The following HS6ST3 variants were observed in gnomAD, a reference collection of about 807,000 sequenced individuals.
HS6ST3 encodes heparan sulfate 6-O-sulfotransferase 3.
Under a neutral mutation model 36.7 loss-of-function variants are expected in HS6ST3, and 12 were observed. That is an observed-to-expected ratio of 0.33 (90% CI 0.21 to 0.53). HS6ST3 has a LOEUF of 0.53. HS6ST3 is among the 20% of genes least tolerant of loss of function. HS6ST3 has a pLI of 0.95. For missense variants in HS6ST3, 584 were observed against 640.9 expected (o/e 0.91, Z 0.96); for synonymous variants, 240 against 257.5 (o/e 0.93, Z 0.65).
At chr13:96,725,406 A>G (rs1875977946) in intron 1 of HS6ST3, among the ~76,000 whole-genome samples, 1 of 152,108 alleles carries the variant, frequency 6.6e-6, no homozygotes, top group Non-Finnish European at 1.5e-5. Context: ...TCTTTTATGG[A>G]TTGTAATTTT....
chr13:96,626,790 T>G lies in HS6ST3; in HGVS notation c.708-205700T>G, dbSNP rs188207111. Among the ~76,000 whole-genome samples, 43 of 152,286 alleles carry G rather than the reference T, an allele frequency of 2.8e-4. 1 individual carries two copies. Among genetic ancestry groups the G allele is most frequent in the Admixed American group, 9.8e-4 (15 of 15,296 alleles). On this transcript the variant is annotated intron_variant, in intron 1 of 1. Coordinates refer to ENST00000376705, the MANE Select transcript of HS6ST3 (RefSeq NM_153456.4). ...AGTGTTGCATATCATTGGTTAAATTTATTTCTCAGTACTAAACATTGTTTG... is the reference window on the plus strand; with the variant it reads ...AGTGTTGCATATCATTGGTTAAATTGATTTCTCAGTACTAAACATTGTTTG...
At chr13:96,773,181 A>C (rs1272752013) in intron 1 of HS6ST3, among the ~76,000 whole-genome samples, 1 of 152,220 alleles carries the variant, frequency 6.6e-6, no homozygotes, top group Non-Finnish European at 1.5e-5. Context: ...AGACCAGGAG[A>C]TTCCTTTGGG....
At chr13:96,811,094 GTGA>G (rs1594865947) in intron 1 of HS6ST3, among the ~76,000 whole-genome samples, 1 of 152,262 alleles carries the variant, frequency 6.6e-6, no homozygotes, top group East Asian at 1.9e-4. Flanking sequence ...CCCTAGACAG[GTGA>G]ATCTTTTTCT....
intron 1 of HS6ST3, among the ~76,000 whole-genome samples, chr13:96,235,227 C>T (rs1440866123): frequency 6.6e-6 from 1 of 152,146 alleles, no homozygotes; most frequent in Middle Eastern, 3.4e-3. Flanking sequence ...TAGATGAGTA[C>T]TGGATATTTC....
intron 1 of HS6ST3, among the ~76,000 whole-genome samples, chr13:96,125,238 C>A (rs982128521): frequency 1.3e-5 from 2 of 151,880 alleles, no homozygotes; most frequent in Admixed American, 6.5e-5. Context: ...AATAGAATAT[C>A]CTGGGTTAAG....
intron 1 of HS6ST3, among the ~76,000 whole-genome samples, chr13:96,274,589 G>A (rs2054738311): frequency 6.6e-6 from 1 of 151,902 alleles, no homozygotes; most frequent in Admixed American, 6.6e-5. Flanking sequence ...ATTTTCTTTG[G>A]TGATTTCTTT....
intron 1 of HS6ST3, among the ~76,000 whole-genome samples, chr13:96,358,167 A>G (rs1322872484): frequency 6.6e-6 from 1 of 152,172 alleles, no homozygotes; most frequent in Non-Finnish European, 1.5e-5. Flanking sequence ...AATGCTAACT[A>G]ATACATATAG....
chr13:96,682,219 T>C (rs927685934), intron 1 of HS6ST3, among the ~76,000 whole-genome samples: 1 of 152,174 alleles, frequency 6.6e-6, no homozygotes, highest in African/African-American at 2.4e-5. Context: ...GCCTATATGC[T>C]TTTGTAGCCA....
intron 1 of HS6ST3, among the ~76,000 whole-genome samples, chr13:96,548,705 T>C (rs1594804492): frequency 6.6e-6 from 1 of 152,204 alleles, no homozygotes; most frequent in South Asian, 2.1e-4. Context: ...AATCTGCAGG[T>C]CGTGGACTGC....
At chr13:96,754,684 CT>C (rs1876780906) in intron 1 of HS6ST3, among the ~76,000 whole-genome samples, 3 of 152,200 alleles carry the variant, frequency 2.0e-5, no homozygotes, top group Non-Finnish European at 4.4e-5. Flanking sequence ...ATTCTTCTGG[CT>C]TCCAGTGTTT....
intron 1 of HS6ST3, among the ~76,000 whole-genome samples, chr13:96,661,025 C>T (rs1000969313): frequency 2.0e-5 from 3 of 152,252 alleles, no homozygotes; most frequent in African/African-American, 7.2e-5. Flanking sequence ...AGCTTCTGGG[C>T]TCGTGGACTT....
intron 1 of HS6ST3, among the ~76,000 whole-genome samples, chr13:96,497,501 C>G (rs1178808150): frequency 2.0e-5 from 3 of 152,168 alleles, no homozygotes; most frequent in African/African-American, 7.2e-5. Flanking sequence ...TCACAATAAC[C>G]TCACCTTAGT....
chr13:96,446,672 T>A (rs2055700805), intron 1 of HS6ST3, among the ~76,000 whole-genome samples: 1 of 152,162 alleles, frequency 6.6e-6, no homozygotes, highest in African/African-American at 2.4e-5. Flanking sequence ...TGTTGATGGG[T>A]CCAGGAGAGC....
chr13:96,494,655 C>G (rs1174630104), intron 1 of HS6ST3, among the ~76,000 whole-genome samples: 1 of 151,226 alleles, frequency 6.6e-6, no homozygotes, highest in Non-Finnish European at 1.5e-5. Context: ...CATCCTGTTT[C>G]AAAACACACA....
intron 1 of HS6ST3, among the ~76,000 whole-genome samples, chr13:96,765,577 GCTCTCTCTCTTTCTCT>G (rs1252917858): frequency 2.4e-5 from 3 of 127,010 alleles, no homozygotes; most frequent in African/African-American, 3.1e-5. Context: ...AGATGTATGC[GCTCTCTCTCTTTCTCT>G]CTCTCTCTCT....
chr13:96,243,268 T>C (rs775062946), intron 1 of HS6ST3, among the ~76,000 whole-genome samples: 6 of 152,206 alleles, frequency 3.9e-5, no homozygotes, highest in Non-Finnish European at 8.8e-5. Context: ...ATGGCAAATA[T>C]TAGTGCTAAG....
chr13:96,096,889 G>A (rs750472882), intron 1 of HS6ST3, among the ~76,000 whole-genome samples: 1 of 152,096 alleles, frequency 6.6e-6, no homozygotes, highest in Non-Finnish European at 1.5e-5. Flanking sequence ...AATTAGAATT[G>A]TTGAACTACC....
intron 1 of HS6ST3, among the ~76,000 whole-genome samples, chr13:96,200,403 C>G (rs2054335611): frequency 6.6e-6 from 1 of 152,204 alleles, no homozygotes; most frequent in East Asian, 1.9e-4. Flanking sequence ...TTTGCACTGG[C>G]AGTTCCCTCT....
At chr13:96,528,324 T>C (rs2056122235) in intron 1 of HS6ST3, among the ~76,000 whole-genome samples, 1 of 152,192 alleles carries the variant, frequency 6.6e-6, no homozygotes. Flanking sequence ...AACTTATCAC[T>C]TCAAAAGTGA....
Sources: allele counts gnomAD v4.1 joint callset (sites outside exome capture counted in the v4.1 genomes callset), GRCh38; gene constraint gnomAD v4.1.1; transcripts MANE v1.5; gene names NCBI Gene and HGNC (gene_info 2026-07-23, HGNC 2026-07-21).